Variants in FRMD6 observed in about 807,000 individuals in gnomAD.
FRMD6 encodes the protein FERM domain containing 6, also known as FERM domain-containing protein 6.
FRMD6 carries 37 observed loss-of-function variants against 73.2 expected under a neutral mutation model. The observed-to-expected ratio is 0.51, with a 90% confidence interval of 0.39 to 0.66. The LOEUF is 0.66. Among genes scored for constraint, FRMD6 ranks in the 30% least tolerant of loss-of-function variants. FRMD6 has a pLI of 0.00. For missense variants in FRMD6, 714 were observed against 780.5 expected (o/e 0.91, Z 1.02); for synonymous variants, 273 against 282.2 (o/e 0.97, Z 0.33).
intron 10 of FRMD6, among the ~76,000 whole-genome samples, chr14:51,717,827 T>C (rs1467600217): frequency 6.6e-6 from 1 of 152,296 alleles, no homozygotes; most frequent in African/African-American, 2.4e-5. Context: ...AGCATTTTAG[T>C]AGAAAATGAT....
chr14:51,670,632 A>G (rs557819947), intron 1 of FRMD6, among the ~76,000 whole-genome samples: 5 of 151,158 alleles, frequency 3.3e-5, no homozygotes, highest in Non-Finnish European at 4.4e-5. Context: ...ACATTTTTAT[A>G]TATTTAGTTA....
intron 2 of FRMD6, among the ~76,000 whole-genome samples, chr14:51,572,100 A>G (rs1384343775): frequency 2.6e-5 from 4 of 152,270 alleles, no homozygotes; most frequent in African/African-American, 9.6e-5. Context: ...AAGGCCAGAT[A>G]GCATTAGGGA....
chr14:51,523,538 T>G (rs999492641), intron 1 of FRMD6, among the ~76,000 whole-genome samples: 13 of 152,200 alleles, frequency 8.5e-5, no homozygotes, highest in African/African-American at 3.1e-4. Flanking sequence ...TGCCTTGCCA[T>G]CTAACCCAGT....
chr14:51,475,668 G>A, the FRMD6 span, among the ~76,000 whole-genome samples: 1 of 152,204 alleles, frequency 6.6e-6, no homozygotes, highest in African/African-American at 2.4e-5. Flanking sequence ...TGGTTTACCT[G>A]TATATTCTAG....
rs1286317117 is a variant in FRMD6 at position 51,715,401 on chromosome 14, G to A, written c.926G>A (p.Arg309His). 36 of 1,613,426 alleles carry A rather than the reference G, an allele frequency of 2.2e-5. No individual in the cohort carries two copies. Among genetic ancestry groups the A allele is most frequent in the Non-Finnish European group, 3.0e-5 (35 of 1,179,706 alleles). ...ATATACTACACGGGGTGCCCCATGC[G>A]CTCCAGACACCTCCTGCAACTTCTG... ...KLIYYTGCPMRSRHLLQLLSN... is the reference protein window; with the variant it reads ...KLIYYTGCPMHSRHLLQLLSN... The change falls in exon 10 of 14, where the codon CGC (arginine) becomes CAC (histidine). Residue 309 changes from arginine (R) to histidine (H), a missense_variant. By Grantham distance (29) the Arg-to-His change is conservative (BLOSUM62 0). Transcript: ENST00000344768.
chr14:51,515,593 C>A (rs975949550), intron 1 of FRMD6, among the ~76,000 whole-genome samples: 3 of 152,154 alleles, frequency 2.0e-5, no homozygotes, highest in African/African-American at 7.2e-5. Flanking sequence ...CCTGTCTTGC[C>A]CCTTGATGAT....
intron 2 of FRMD6, among the ~76,000 whole-genome samples, chr14:51,613,924 A>G (rs1890612651): frequency 1.3e-5 from 2 of 152,244 alleles, no homozygotes; most frequent in South Asian, 4.1e-4. Flanking sequence ...CAATACAATA[A>G]TTATTAATGA....
chr14:51,444,323 G>T, the FRMD6 span, among the ~76,000 whole-genome samples: 2 of 152,236 alleles, frequency 1.3e-5, no homozygotes, highest in African/African-American at 4.8e-5. Flanking sequence ...CAGATGCTGA[G>T]ATTAGCTCCT....
chr14:51,603,290 T>G (rs947099619), intron 2 of FRMD6, among the ~76,000 whole-genome samples: 1 of 152,232 alleles, frequency 6.6e-6, no homozygotes, highest in African/African-American at 2.4e-5. Context: ...ACTGCCTGAA[T>G]GGACTAAGAC....
intron 2 of FRMD6, among the ~76,000 whole-genome samples, chr14:51,623,616 T>A (rs966340189): frequency 6.6e-6 from 1 of 152,200 alleles, no homozygotes; most frequent in African/African-American, 2.4e-5. Context: ...TCCTTCAAAG[T>A]TTTCCCAGAT....
At chr14:51,595,308 G>T (rs907487107) in intron 2 of FRMD6, among the ~76,000 whole-genome samples, 1 of 152,122 alleles carries the variant, frequency 6.6e-6, no homozygotes, top group South Asian at 2.1e-4. Context: ...CTGTACCCTG[G>T]AAATATGATG....
chr14:51,524,419 A>G (rs1215619889), intron 1 of FRMD6, among the ~76,000 whole-genome samples: 1 of 152,056 alleles, frequency 6.6e-6, no homozygotes, highest in Admixed American at 6.5e-5. Context: ...TGACCTTAGT[A>G]GGTGTTTTGC....
intron 2 of FRMD6, among the ~76,000 whole-genome samples, chr14:51,620,444 G>A (rs1890884505): frequency 6.6e-6 from 1 of 152,128 alleles, no homozygotes; most frequent in Non-Finnish European, 1.5e-5. Flanking sequence ...GAAGGGCAGA[G>A]GGGTGATGAC....
chr14:51,617,051 T>TGA (rs1890744353), intron 2 of FRMD6, among the ~76,000 whole-genome samples: 1 of 152,222 alleles, frequency 6.6e-6, no homozygotes, highest in Non-Finnish European at 1.5e-5. Flanking sequence ...ATACAAAGCT[T>TGA]CTATTAAAGC....
At chr14:51,717,034 G>A (rs1435399680) in intron 10 of FRMD6, among the ~76,000 whole-genome samples, 2 of 152,176 alleles carry the variant, frequency 1.3e-5, no homozygotes, top group Non-Finnish European at 2.9e-5. Flanking sequence ...TCCCTTCAGA[G>A]CCTTAAAGAA....
chr14:51,419,440 C>T, the FRMD6 span, among the ~76,000 whole-genome samples: 2 of 152,224 alleles, frequency 1.3e-5, no homozygotes, highest in Non-Finnish European at 2.9e-5. Flanking sequence ...AGCCACCATG[C>T]CCAGCTGCCA....
At chr14:51,482,729 C>G in the FRMD6 span, among the ~76,000 whole-genome samples, 1 of 150,494 alleles carries the variant, frequency 6.6e-6, no homozygotes, top group Admixed American at 6.6e-5. Flanking sequence ...GAGATGGAGT[C>G]TGGCACTGTC....
the FRMD6 span, among the ~76,000 whole-genome samples, chr14:51,469,027 G>T: frequency 1.3e-5 from 2 of 151,850 alleles, no homozygotes; most frequent in Non-Finnish European, 2.9e-5. Context: ...TGCAAGCTTT[G>T]CCTCCCAGGT....
chr14:51,619,640 T>C (rs1339675559), intron 2 of FRMD6, among the ~76,000 whole-genome samples: 2 of 152,156 alleles, frequency 1.3e-5, no homozygotes, highest in Non-Finnish European at 2.9e-5. Flanking sequence ...AAAGGCTTTT[T>C]GCTAGTGGAC....
Sources: allele counts gnomAD v4.1 joint callset (sites outside exome capture counted in the v4.1 genomes callset), GRCh38; gene constraint gnomAD v4.1.1; transcripts MANE v1.5; gene names NCBI Gene and HGNC (gene_info 2026-07-23, HGNC 2026-07-21).